Variants in MRTFB observed in about 807,000 individuals in gnomAD.
MRTFB encodes myocardin-related transcription factor B.
MRTFB carries 29 observed loss-of-function variants against 104.2 expected under a neutral mutation model. The ratio of observed to expected loss-of-function variants is 0.28; its 90% CI spans 0.21 to 0.38. The LOEUF (loss-of-function observed/expected upper bound fraction) is 0.38, where lower values mean the gene tolerates loss of function less well. Ranked by LOEUF, MRTFB falls within the 10% of genes least tolerant of loss-of-function variation. The probability of loss-of-function intolerance (pLI) is 1.00; values close to 1 mark genes in which losing one functional copy is unlikely to be tolerated. For missense variants in MRTFB, 1,270 were observed against 1,341.6 expected, an observed-to-expected ratio of 0.95 and a Z score of 0.83; for synonymous variants, 535 against 519.5, an observed-to-expected ratio of 1.03 and a Z score of -0.41.
chr16:14,173,153 C>T (rs552355256), intron 3 of MRTFB, among the ~76,000 whole-genome samples: 67 of 152,096 alleles, frequency 4.4e-4, no homozygotes, highest in Non-Finnish European at 6.2e-4. Context: ...GCCTCTCCCT[C>T]CACATTGCTT....
intron 8 of MRTFB, among the ~76,000 whole-genome samples, chr16:14,221,120 G>A (rs531405149): frequency 4.6e-5 from 7 of 152,210 alleles, no homozygotes; most frequent in Non-Finnish European, 1.0e-4. Context: ...TAGGTGCTTC[G>A]TTTTGGTTTC....
upstream of MRTFB, among the ~76,000 whole-genome samples, chr16:14,070,634 C>G (rs1221306782): frequency 6.6e-6 from 1 of 152,226 alleles, no homozygotes; most frequent in African/African-American, 2.4e-5. Context: ...CCATTGAAAA[C>G]AGATTGTAGC....
chr16:14,029,885 G>A, the MRTFB span, among the ~76,000 whole-genome samples: 6 of 152,088 alleles, frequency 3.9e-5, no homozygotes, highest in Non-Finnish European at 8.8e-5. Flanking sequence ...GCCTCCGCAG[G>A]CTCATTCCCT....
chr16:14,064,575 C>G, the MRTFB span, among the ~76,000 whole-genome samples: 3 of 152,138 alleles, frequency 2.0e-5, no homozygotes, highest in African/African-American at 7.2e-5. Context: ...AGGTTTTCTT[C>G]AAAAGTTTTT....
the MRTFB span, among the ~76,000 whole-genome samples, chr16:14,053,189 G>T: frequency 1.3e-5 from 2 of 151,960 alleles, no homozygotes; most frequent in Non-Finnish European, 1.5e-5. Flanking sequence ...ACCTCCCAAA[G>T]CATTGGAATA....
chr16:14,076,356 G>A (rs1051788233), intron 1 of MRTFB, among the ~76,000 whole-genome samples: 4 of 151,814 alleles, frequency 2.6e-5, no homozygotes, highest in Non-Finnish European at 4.4e-5. Flanking sequence ...CACCAGGCCC[G>A]GATAATTTTT....
chr16:14,084,900 T>TTAAC (rs1490874509), intron 2 of MRTFB, among the ~76,000 whole-genome samples: 1 of 152,170 alleles, frequency 6.6e-6, no homozygotes, highest in African/African-American at 2.4e-5. Context: ...AAAAAGCCAA[T>TTAAC]TAACTATCAG....
At chr16:14,151,352 A>G (rs1186903107) in intron 3 of MRTFB, 1 of 152,214 alleles carries the variant, frequency 6.6e-6, no homozygotes, top group Non-Finnish European at 1.5e-5. Context: ...TTTCTAGGCT[A>G]TGTGGTTCAT....
rs11334309 is a variant in MRTFB at position 14,260,354 on chromosome 16, TAA to T, written c.2765-542_2765-541del. Among the ~76,000 whole-genome samples, 415 of 129,142 alleles carry T rather than the reference TAA, an allele frequency of 3.2e-3. 3 individuals are homozygous for T. The highest frequency in any genetic ancestry group is 9.4e-3 in the African/African-American group (352 of 37,458). 84.7% of individuals were successfully genotyped at this position (129,142 alleles called of 152,430 possible). On this transcript the variant is annotated intron_variant, in intron 16 of 16. Transcript: ENST00000571589. ...TGGGTACCCAGTCCAACTGTAATGA[TAA>T]AAAAAAAAAAAAGGAAAAAAGAATG... is the stretch of plus-strand genomic sequence containing the variant.
At chr16:14,065,107 A>G in the MRTFB span, among the ~76,000 whole-genome samples, 10 of 152,074 alleles carry the variant, frequency 6.6e-5, no homozygotes, top group Non-Finnish European at 2.9e-5. Context: ...ATGTTTTTCC[A>G]TTTGTTTGTG....
At chr16:14,029,506 CATATAT>C in the MRTFB span, among the ~76,000 whole-genome samples, 2 of 108,926 alleles carry the variant, frequency 1.8e-5, no homozygotes, top group Non-Finnish European at 3.9e-5. Context: ...TATATATACA[CATATAT>C]ATACACACAC....
chr16:14,065,755 T>G, the MRTFB span, among the ~76,000 whole-genome samples: 1 of 151,544 alleles, frequency 6.6e-6, no homozygotes, highest in Admixed American at 6.6e-5. Context: ...TAAAAAAAAA[T>G]TTTTTTTAAT....
intron 2 of MRTFB, among the ~76,000 whole-genome samples, chr16:14,137,439 A>T (rs1476061524): frequency 6.6e-6 from 1 of 152,134 alleles, no homozygotes; most frequent in Non-Finnish European, 1.5e-5. Context: ...ATATTTTTTT[A>T]AATCTATACC....
At chr16:14,189,663 G>A (rs1211707536) in intron 3 of MRTFB, among the ~76,000 whole-genome samples, 1 of 152,090 alleles carries the variant, frequency 6.6e-6, no homozygotes, top group Non-Finnish European at 1.5e-5. Context: ...GTTTGAAAAA[G>A]CAACCTTTAG....
intron 3 of MRTFB, among the ~76,000 whole-genome samples, chr16:14,194,552 A>T (rs1211465131): frequency 6.6e-6 from 1 of 152,208 alleles, no homozygotes; most frequent in Non-Finnish European, 1.5e-5. Flanking sequence ...GTGAATTCTT[A>T]TTGATGTAAG....
At chr16:14,074,193 C>G (rs1016687983) in intron 1 of MRTFB, among the ~76,000 whole-genome samples, 3 of 152,070 alleles carry the variant, frequency 2.0e-5, no homozygotes, top group African/African-American at 7.2e-5. Flanking sequence ...GAAGGCTATA[C>G]TTTAAATTAT....
intron 1 of MRTFB, among the ~76,000 whole-genome samples, chr16:14,077,816 C>T (rs1033103852): frequency 6.6e-6 from 1 of 152,036 alleles, no homozygotes; most frequent in African/African-American, 2.4e-5. Flanking sequence ...TTTTTTCCCA[C>T]TGTTACCCAT....
At chr16:14,049,171 A>G in the MRTFB span, among the ~76,000 whole-genome samples, 3 of 152,196 alleles carry the variant, frequency 2.0e-5, no homozygotes, top group African/African-American at 7.2e-5. Flanking sequence ...ACCACACAGA[A>G]TTATCTGGCC....
intron 3 of MRTFB, 57 bp downstream of exon 3, chr16:14,140,817 C>A: frequency 1.3e-6 from 2 of 1,599,954 alleles, no homozygotes; most frequent in Non-Finnish European, 8.5e-7. Context: ...TCTTTGGGAG[C>A]CCAGTTTATT....
Sources: allele counts gnomAD v4.1 joint callset (sites outside exome capture counted in the v4.1 genomes callset), GRCh38; gene constraint gnomAD v4.1.1; transcripts MANE v1.5; gene names NCBI Gene and HGNC (gene_info 2026-07-23, HGNC 2026-07-21).